UGT1A7: variants seen among roughly 807,000 people sequenced by gnomAD.
UGT1A7 encodes UDP-glucuronosyltransferase 1A7.
In UGT1A7, 33 loss-of-function variants were observed where a neutral mutation model predicts 45.6. The observed-to-expected ratio is 0.72, with a 90% CI of 0.55 to 0.97. The LOEUF is 0.97. UGT1A7 is among the 50% of genes least tolerant of loss of function. The pLI, the probability that UGT1A7 is intolerant of heterozygous loss-of-function variation, is 0.00. For synonymous variants in UGT1A7, 274 were observed against 250.6 expected (o/e 1.09, Z -0.88); for missense variants, 684 against 666.2 (o/e 1.03, Z -0.29).
At chr2:233,750,164 A>C (rs1331972474) in intron 1 of UGT1A7, among the ~76,000 whole-genome samples, 1 of 151,848 alleles carries the variant, frequency 6.6e-6, no homozygotes, top group Non-Finnish European at 1.5e-5. Context: ...AATGGTTTTG[A>C]CCAAAATGCT....
rs373771428 is a variant in UGT1A7 at position 233,743,798 on chromosome 2, T to A, written c.856-23236T>A. The A allele has an allele frequency of 5.3e-5, 73 of 1,367,294 alleles. No homozygotes were observed. The East Asian group carries it at 1.4e-3, about 26-fold the overall frequency. 84.7% of individuals were successfully genotyped at this position (1,367,294 alleles called of 1,614,324 possible). A position where few individuals can be genotyped will look rare whatever the true frequency, so the allele number is the denominator to read the frequency against. On this transcript the variant is annotated intron_variant, in intron 1 of 4. Transcript: ENST00000373426. ...CTGCTTGAATCTCCTCTCCGCTTCC[T>A]CCTTGTTCTCAGGGTTTTTGTCGGG...
chr2:233,692,171 A>C (rs1352392558), intron 1 of UGT1A7: 1 of 152,296 alleles, frequency 6.6e-6, no homozygotes, highest in East Asian at 1.9e-4. Context: ...GGCAGGGTTC[A>C]GAGAGCTTTC....
chr2:233,747,677 C>A, intron 1 of UGT1A7: 1 of 1,606,760 alleles, frequency 6.2e-7, no homozygotes, highest in East Asian at 2.2e-5. Flanking sequence ...ACCCAATTTA[C>A]CTCTGTGGGG....
chr2:233,767,045 C>G lies in UGT1A7; in HGVS notation c.867C>G (p.Ala289=), dbSNP rs900263261. 1.9e-6 allele frequency: 3 copies of G among 1,614,006 alleles called. No homozygotes were observed. The African/African-American group carries it at 4.0e-5, about 22-fold the overall frequency. The change falls in exon 2 of 5, where the codon GCC becomes GCG. Residue 289 remains alanine, a synonymous_variant. Coordinates refer to ENST00000373426, the MANE Select transcript of UGT1A7 (RefSeq NM_019077.3). ...QGKPVPMEFE[A]YINASGEHGI... is the part of the protein sequence containing the mutation. ...TCTTCTGGCTCTAGGAATTTGAAGC[C>G]TACATTAATGCTTCTGGAGAACATG...
rs537688236 is a variant in UGT1A7, at chr2:233,769,340, T to C, written c.1295+901T>C. On this transcript the variant is annotated intron_variant, in intron 4 of 4. Coordinates refer to ENST00000373426, the MANE Select transcript of UGT1A7 (RefSeq NM_019077.3). The surrounding 1 kb of genome is among the most constrained non-coding windows in gnomAD (Gnocchi z 4.4). The stretch of plus-strand genomic sequence containing the variant: ...CACTGGTAATAGGCTTATTAGAACC[T>C]TATGGGAAGAAGTGGTGGCCAGTGG... Among the ~76,000 whole-genome samples, 3 of 152,228 alleles carry C rather than the reference T, an allele frequency of 2.0e-5. No individual in the cohort carries two copies. The South Asian group carries it at 6.2e-4, about 32-fold the overall frequency.
intron 1 of UGT1A7, chr2:233,718,007 C>T (rs2076621733): frequency 2.5e-6 from 1 of 406,536 alleles, no homozygotes; most frequent in Admixed American, 2.7e-5. Context: ...GATCTGAGGC[C>T]AGGCTCCAGC....
intron 1 of UGT1A7, among the ~76,000 whole-genome samples, chr2:233,725,606 C>T (rs1199312835): frequency 2.0e-5 from 3 of 152,058 alleles, no homozygotes; most frequent in South Asian, 4.1e-4. Context: ...ATAGTTTTTT[C>T]TTGCTAAGTC....
At chr2:233,687,377 T>G (rs2074836903) in intron 1 of UGT1A7, among the ~76,000 whole-genome samples, 1 of 152,052 alleles carries the variant, frequency 6.6e-6, no homozygotes, top group Non-Finnish European at 1.5e-5. Context: ...TAGGGAGAAT[T>G]TGCAAATTAA....
chr2:233,772,282 G>A lies in UGT1A7; in HGVS notation c.1316G>A (p.Arg439His), dbSNP rs748166510. The change falls in exon 5 of 5, where the codon CGC becomes CAC. Residue 439 changes from arginine to histidine, a missense_variant. Arg to His is a conservative substitution (Grantham distance 29). Transcript: ENST00000373426. ...TTTAGTTACAAGGAGAACATCATGC[G>A]CCTCTCCAGCCTTCACAAGGACCGC... ...NDKSYKENIM[R>H]LSSLHKDRPV... 13 of 1,614,078 alleles carry A rather than the reference G, an allele frequency of 8.1e-6. No homozygotes were observed. Among genetic ancestry groups the A allele is most frequent in the Middle Eastern group, 1.6e-4 (1 of 6,084 alleles).
intron 1 of UGT1A7, among the ~76,000 whole-genome samples, chr2:233,735,435 G>C (rs2078651212): frequency 6.6e-6 from 1 of 152,062 alleles, no homozygotes; most frequent in South Asian, 2.1e-4. Flanking sequence ...CCTGAATACA[G>C]CATACCGATG....
At chr2:233,749,418 G>A (rs971310619) in intron 1 of UGT1A7, among the ~76,000 whole-genome samples, 1 of 151,768 alleles carries the variant, frequency 6.6e-6, no homozygotes, top group Non-Finnish European at 1.5e-5. Flanking sequence ...TAACTACATT[G>A]CTCAAAACTT....
intron 1 of UGT1A7, among the ~76,000 whole-genome samples, chr2:233,728,414 C>T (rs186918599): frequency 6.6e-6 from 1 of 152,192 alleles, no homozygotes; most frequent in African/African-American, 2.4e-5. Context: ...CTTTAGATAG[C>T]AGCACCTCTT....
At chr2:233,707,786 G>T (rs2075987501) in intron 1 of UGT1A7, among the ~76,000 whole-genome samples, 1 of 152,134 alleles carries the variant, frequency 6.6e-6, no homozygotes. Flanking sequence ...TATATACCTA[G>T]GGGTGGAGCT....
intron 1 of UGT1A7, among the ~76,000 whole-genome samples, chr2:233,687,117 A>G (rs1400771181): frequency 6.6e-6 from 1 of 152,114 alleles, no homozygotes; most frequent in Non-Finnish European, 1.5e-5. Context: ...TTGGGTAAAA[A>G]CTCAGCGTTA....
intron 1 of UGT1A7, among the ~76,000 whole-genome samples, chr2:233,763,849 G>A (rs1198525346): frequency 6.6e-6 from 1 of 152,198 alleles, no homozygotes; most frequent in East Asian, 1.9e-4. Context: ...GATAGCAGTG[G>A]TTCACAGACA....
rs370892808 is a variant in UGT1A7, at chr2:233,760,466, T to C, written c.856-6568T>C. The stretch of plus-strand genomic sequence containing the variant: ...CAGAGGGGACATGAAATAGTTGTCC[T>C]AGCACCTGACGCCTCGTTGTACATC... On this transcript the variant is annotated intron_variant, in intron 1 of 4. Transcript: ENST00000373426. The C allele has an allele frequency of 1.9e-6, 3 of 1,614,232 alleles. No homozygotes were observed. The highest frequency in any genetic ancestry group is 1.7e-6 in the Non-Finnish European group (2 of 1,180,032).
At chr2:233,683,817 C>T (rs2074652711) in intron 1 of UGT1A7, among the ~76,000 whole-genome samples, 2 of 152,078 alleles carry the variant, frequency 1.3e-5, no homozygotes, top group African/African-American at 2.4e-5. Flanking sequence ...TATTACTAAA[C>T]TCTCGTATTA....
Position 233,682,037 on chromosome 2 carries a change from G to A in UGT1A7, c.100G>A (p.Asp34Asn). Residue 34 changes from aspartate to asparagine, a missense_variant, in exon 1 of 5, where the codon GAT becomes AAT. Coordinates refer to ENST00000373426, the MANE Select transcript of UGT1A7 (RefSeq NM_019077.3). ...KAGKLLVVPM[D>N]GSHWFTMQSV... ...AGGGAAGCTGCTGGTAGTGCCCATGGATGGGAGCCACTGGTTCACCATGCA... is the reference window on the plus strand; with the variant it reads ...AGGGAAGCTGCTGGTAGTGCCCATGAATGGGAGCCACTGGTTCACCATGCA... The A allele has an allele frequency of 6.2e-7, 1 of 1,614,110 alleles. No homozygotes were observed. The highest frequency in any genetic ancestry group is 8.5e-7 in the Non-Finnish European group (1 of 1,180,012).
chr2:233,757,875 A>G (rs776201583), intron 1 of UGT1A7, among the ~76,000 whole-genome samples: 1 of 152,028 alleles, frequency 6.6e-6, no homozygotes, highest in Non-Finnish European at 1.5e-5. Flanking sequence ...AGTAGCTTCA[A>G]AAGGGTTCCA....
Sources: gnomAD v4.1 joint callset for allele counts (sites outside exome capture counted in the v4.1 genomes callset) on GRCh38, gnomAD v4.1.1 for gene constraint, Gnocchi (gnomAD v3.1) non-coding constraint, MANE v1.5 for transcripts, NCBI Gene and HGNC (gene_info 2026-07-23, HGNC 2026-07-21) for gene names.